Variants in RPS5 observed in about 807,000 individuals in gnomAD.
RPS5 encodes the protein small ribosomal subunit protein uS7.
A neutral mutation model predicts 20.9 loss-of-function variants in RPS5; 2 were observed. The observed-to-expected ratio is 0.10, with a 90% CI of 0.04 to 0.30. The LOEUF (loss-of-function observed/expected upper bound fraction) is 0.30. Ranked by LOEUF, RPS5 falls within the 10% of genes least tolerant of loss-of-function variation. The pLI is 1.00. For missense variants in RPS5, 122 were observed against 287.2 expected (o/e 0.42, Z 4.16); for synonymous variants, 112 against 105.8 (o/e 1.06, Z -0.36).
In RPS5 at chr19:58,394,208, C is replaced by T. The variant is rs112550120; in HGVS notation, c.448-289C>T. 3.9e-4 allele frequency: 149 copies of T among 381,964 alleles called. 1 individual carries two copies. The highest frequency in any genetic ancestry group is 1.3e-3 in the African/African-American group (62 of 49,280). 23.7% of individuals were successfully genotyped at this position (381,964 alleles called of 1,614,324 possible). A position where few individuals can be genotyped will look rare whatever the true frequency, so the allele number is the denominator to read the frequency against. On this transcript the variant is annotated intron_variant, in intron 4 of 5. Transcript: ENST00000196551. The stretch of plus-strand genomic sequence containing the variant: ...AAAGTGTTCCTCCTGCCTCAGCATC[C>T]CGAAGTGTTACAGGCGCAAGCCACC...
intron 2 of RPS5, among the ~76,000 whole-genome samples, chr19:58,389,648 T>C (rs1431984819): frequency 1.3e-5 from 2 of 152,162 alleles, no homozygotes; most frequent in Non-Finnish European, 2.9e-5. Context: ...ATTTATTTAT[T>C]TTTTTGAAAC....
chr19:58,387,843 T>C (rs2052336446), intron 1 of RPS5: 1 of 431,748 alleles, frequency 2.3e-6, no homozygotes, highest in Non-Finnish European at 4.3e-6. Flanking sequence ...GCCCATGCAG[T>C]GTGAGGACGT....
intron 2 of RPS5, among the ~76,000 whole-genome samples, chr19:58,390,194 C>T (rs1387545370): frequency 3.3e-5 from 5 of 151,486 alleles, no homozygotes; most frequent in African/African-American, 7.3e-5. Flanking sequence ...CCACGCCTGG[C>T]GTTATTTATT....
chr19:58,393,774 G>A (rs947539965), intron 4 of RPS5: 3 of 375,052 alleles, frequency 8.0e-6, no homozygotes, highest in African/African-American at 6.3e-5. Flanking sequence ...AGAATCAGTT[G>A]CAGACATTTT....
chr19:58,392,036 G>A (rs1340358627), intron 2 of RPS5, among the ~76,000 whole-genome samples: 1 of 152,086 alleles, frequency 6.6e-6, no homozygotes, highest in Non-Finnish European at 1.5e-5. Context: ...ACTGACCGGG[G>A]TGGTGCCAGG....
intron 2 of RPS5, chr19:58,388,692 G>T (rs1159935957): frequency 2.3e-5 from 8 of 346,226 alleles, no homozygotes; most frequent in Admixed American, 2.1e-4. Flanking sequence ...CCCTGGGCTG[G>T]AGTGCAGTGA....
intron 2 of RPS5, 168 bp downstream of exon 2, chr19:58,388,413 C>A (rs1263638729): frequency 1.5e-5 from 9 of 603,438 alleles, no homozygotes; most frequent in Non-Finnish European, 2.7e-5. Context: ...ACGTCCTGTT[C>A]AAAGATGACT....
chr19:58,391,460 G>A (rs973310097), intron 2 of RPS5, among the ~76,000 whole-genome samples: 3 of 141,066 alleles, frequency 2.1e-5, no homozygotes, highest in South Asian at 2.2e-4. Flanking sequence ...AAACTGGGCT[G>A]AGCATGGTGA....
rs751568889 is a variant in RPS5 at position 58,392,925 on chromosome 19, C to T, written c.109-51C>T. On this transcript the variant is annotated intron_variant, in intron 2 of 5. Transcript: ENST00000196551. The stretch of plus-strand genomic sequence containing the variant: ...TCTCCTCTGGTGTCTGGCCAACGCC[C>T]ATGCTGCTCCTGACCATTTTCCCTT... 4 of 1,569,566 alleles carry T rather than the reference C, an allele frequency of 2.5e-6. No homozygotes were observed. In the South Asian group the frequency reaches 3.4e-5, roughly 13 times the overall value.
At chr19:58,393,692 C>T (rs1403824008) in intron 4 of RPS5, 2 of 592,576 alleles carry the variant, frequency 3.4e-6, no homozygotes, top group South Asian at 2.3e-5. Flanking sequence ...CAGAGGTCTT[C>T]TTTCTTTCCT....
At position 58,393,722 on chromosome 19, in the gene RPS5, C is replaced by T. The variant is rs1156689847; in HGVS notation, c.447+235C>T. 4 of 533,342 alleles carry T rather than the reference C, an allele frequency of 7.5e-6. No homozygotes were observed. The East Asian group carries it at 9.2e-5, about 12-fold the overall frequency. 33.0% of individuals were successfully genotyped at this position (533,342 alleles called of 1,614,324 possible). A position where few individuals can be genotyped will look rare whatever the true frequency, so the allele number is the denominator to read the frequency against. On this transcript the variant is annotated intron_variant, in intron 4 of 5. Coordinates refer to ENST00000196551, the MANE Select transcript of RPS5 (RefSeq NM_001009.4). ...TTTCCTTTGGGTGTATATTTTTACA[C>T]TGTGTGTATATGTACTTTTTTTTTT...
rs570678601 is a variant in RPS5 at position 58,393,374 on chromosome 19, C to T, written c.334C>T (p.Leu112=). 2.5e-6 allele frequency: 4 copies of T among 1,613,872 alleles called. No homozygotes were observed. Among genetic ancestry groups the T allele is most frequent in the Non-Finnish European group, 2.5e-6 (3 of 1,180,018 alleles). ...LLTGENPLQV[L]VNAIINSGPR... ...TTCTCTCTAGAACCCTCTGCAGGTC[C>T]TGGTGAACGCCATCATCAACAGTGG... The change falls in exon 4 of 6, where the codon CTG becomes TTG. Residue 112 remains leucine, a synonymous_variant. Coordinates refer to ENST00000196551, the MANE Select transcript of RPS5 (RefSeq NM_001009.4).
chr19:58,388,236 T>A lies in RPS5; in HGVS notation c.99T>A (p.Ile33=), dbSNP rs757135639. 1 of 1,610,006 alleles carries A rather than the reference T, an allele frequency of 6.2e-7. No homozygotes were observed. Among genetic ancestry groups the A allele is most frequent in the South Asian group, 1.1e-5 (1 of 90,348 alleles). The change falls in exon 2 of 6, where the codon ATT becomes ATA. Residue 33 remains isoleucine, a synonymous_variant. Coordinates refer to ENST00000196551, the MANE Select transcript of RPS5 (RefSeq NM_001009.4). ...WSTDDVQIND[I]SLQDYIAVKE... The stretch of plus-strand genomic sequence containing the variant: ...CCGATGATGTGCAGATCAATGACAT[T>A]TCCCTGCAGGTGAGGGGAACTTGGT...
In RPS5 at chr19:58,394,364, G is replaced by T. The variant is rs182856292; in HGVS notation, c.448-133G>T. On this transcript the variant is annotated intron_variant, in intron 4 of 5. Transcript: ENST00000196551. ...GACCCTCTATCTGATTGCAAATCAG[G>T]CATGATGCCACCACCTCTTGTCTCA... 2,845 of 690,818 alleles carry T rather than the reference G, an allele frequency of 4.1e-3. 21 individuals carry two copies. Among genetic ancestry groups the T allele is most frequent in the Non-Finnish European group, 4.2e-3 (1,613 of 387,028 alleles). The allele number at this position is 690,818 out of a possible 1,614,324, so 42.8% of individuals were successfully genotyped here.
intron 2 of RPS5, 69 bp from the exon 3 acceptor site, chr19:58,392,907 T>A (rs2052372973): frequency 6.9e-7 from 1 of 1,456,612 alleles, no homozygotes; most frequent in African/African-American, 1.4e-5. Context: ...ATCTCTCCTC[T>A]GGTGTCTGGC....
At chr19:58,391,035 CA>C (rs1294733023) in intron 2 of RPS5, among the ~76,000 whole-genome samples, 2 of 152,194 alleles carry the variant, frequency 1.3e-5, no homozygotes, top group Non-Finnish European at 2.9e-5. Flanking sequence ...TTCGAATGCA[CA>C]TAGCTCCTTT....
intron 2 of RPS5, among the ~76,000 whole-genome samples, chr19:58,390,386 A>G (rs547747751): frequency 6.2e-4 from 88 of 141,926 alleles, no homozygotes; most frequent in Middle Eastern, 4.1e-3. Context: ...ATAGGCCCAG[A>G]TAATGTTTTA....
Position 58,388,173 on chromosome 19 carries a change from A to G in RPS5, c.36A>G (p.Ala12=). ...GGGAGACAGCAGCACCAGCGGTGGC[A>G]GAGACCCCAGACATCAAGCTCTTTG... is the stretch of plus-strand genomic sequence containing the variant. The part of the protein sequence containing the change: ...TEWETAAPAV[A]ETPDIKLFGK... Residue 12 remains alanine (A), a synonymous_variant, in exon 2 of 6, where the codon GCA becomes GCG. Coordinates refer to ENST00000196551, the MANE Select transcript of RPS5 (RefSeq NM_001009.4). The G allele has an allele frequency of 1.2e-6, 2 of 1,613,084 alleles. No individual in the cohort carries two copies. The highest frequency in any genetic ancestry group is 1.1e-5 in the South Asian group (1 of 90,930).
intron 2 of RPS5, among the ~76,000 whole-genome samples, chr19:58,392,629 A>C (rs1299277542): frequency 6.6e-6 from 1 of 151,894 alleles, no homozygotes; most frequent in Non-Finnish European, 1.5e-5. Context: ...AAAAAAAAAA[A>C]AACTGAAGGG....
Sources: allele counts gnomAD v4.1 joint callset (sites outside exome capture counted in the v4.1 genomes callset), GRCh38; gene constraint gnomAD v4.1.1; transcripts MANE v1.5; gene names NCBI Gene and HGNC (gene_info 2026-07-23, HGNC 2026-07-21).